PLPP7: variants seen among roughly 807,000 people sequenced by gnomAD.
The protein encoded by PLPP7 is inactive phospholipid phosphatase 7.
In PLPP7, 11 loss-of-function variants were observed where a neutral mutation model predicts 16.9. The ratio of observed to expected loss-of-function variants is 0.65; its 90% confidence interval spans 0.41 to 1.08. The LOEUF is 1.08. PLPP7 is among the 50% of genes least tolerant of loss of function. The probability of loss-of-function intolerance (pLI) is 0.00; values close to 1 mark genes in which losing one functional copy is unlikely to be tolerated. For missense variants in PLPP7, 358 were observed against 397.1 expected (o/e 0.90, Z 0.84); for synonymous variants, 174 against 175.1 (o/e 0.99, Z 0.05).
In PLPP7 at chr9:131,308,318, G is replaced by A; in HGVS notation, c.*31G>A. The A allele has an allele frequency of 6.4e-7, 1 of 1,559,144 alleles. No individual in the cohort carries two copies. Among genetic ancestry groups the A allele is most frequent in the Non-Finnish European group, 8.6e-7 (1 of 1,158,806 alleles). Reference sequence around the variant, plus strand: ...CCGCCGGCCCACACAAGCCTCTGGGGGCAGGGCTGGCCCTAGAGAAGGGGC... The same window carrying A: ...CCGCCGGCCCACACAAGCCTCTGGGAGCAGGGCTGGCCCTAGAGAAGGGGC... On this transcript the variant is annotated 3_prime_UTR_variant, in exon 2 of 2. Transcript: ENST00000372264.
At position 131,305,945 on chromosome 9, in the gene PLPP7, T is replaced by TA. The variant is rs751943577; in HGVS notation, c.452-1968dup. Among the ~76,000 whole-genome samples the TA allele has an allele frequency of 7.7e-3, 1,144 of 147,968 alleles. 7 individuals carry two copies. Among genetic ancestry groups the TA allele is most frequent in the South Asian group, 0.013 (59 of 4,696 alleles). ...TGCCCAGCCAGAGACATCCGTCTCT[T>TA]AAAAAAAAAACACCAGGTGCGGTGG... On this transcript the variant is annotated intron_variant, in intron 1 of 1. Coordinates refer to ENST00000372264, the MANE Select transcript of PLPP7 (RefSeq NM_032728.4).
intron 1 of PLPP7, among the ~76,000 whole-genome samples, chr9:131,292,398 C>T (rs1005319228): frequency 6.6e-6 from 1 of 152,218 alleles, no homozygotes; most frequent in Non-Finnish European, 1.5e-5. Flanking sequence ...TGTTCCAGGG[C>T]TTTGCATAAA....
chr9:131,290,508 C>G lies in PLPP7; in HGVS notation c.451+60C>G. On this transcript the variant is annotated intron_variant, in intron 1 of 1. Coordinates refer to ENST00000372264, the MANE Select transcript of PLPP7 (RefSeq NM_032728.4). The surrounding 1 kb of genome is among the most constrained non-coding windows in gnomAD (Gnocchi z 4.2). Reference sequence around the variant, plus strand: ...GCCCCTCGGGAGGCAGCCTGGCCTGCCCAACCCCACCCTGGCCGGGACCTG... The same window carrying G: ...GCCCCTCGGGAGGCAGCCTGGCCTGGCCAACCCCACCCTGGCCGGGACCTG... 1 of 1,438,546 alleles carries G rather than the reference C, an allele frequency of 7.0e-7. No homozygotes were observed. Among genetic ancestry groups the G allele is most frequent in the Middle Eastern group, 2.1e-4 (1 of 4,748 alleles). The allele number at this position is 1,438,546 out of a possible 1,614,324, so 89.1% of individuals were successfully genotyped here. A position where few individuals can be genotyped will look rare whatever the true frequency, so the allele number is the denominator to read the frequency against.
chr9:131,292,773 G>GTT (rs35490588), intron 1 of PLPP7: 2 of 928,708 alleles, frequency 2.2e-6, no homozygotes, highest in African/African-American at 1.8e-5. Context: ...GCTCTGCTTT[G>GTT]TTTTTTTTTT....
intron 1 of PLPP7, among the ~76,000 whole-genome samples, chr9:131,307,278 G>A (rs539402451): frequency 7.5e-5 from 11 of 147,556 alleles, no homozygotes; most frequent in East Asian, 2.0e-4. Context: ...AGGGCCGGGC[G>A]CAGTGGCTCA....
At chr9:131,305,219 G>T (rs1835841382) in intron 1 of PLPP7, among the ~76,000 whole-genome samples, 1 of 152,194 alleles carries the variant, frequency 6.6e-6, no homozygotes, top group South Asian at 2.1e-4. Flanking sequence ...CAGCCGAAAG[G>T]CGCAAACAAC....
In PLPP7 at chr9:131,308,503, C is replaced by A; in HGVS notation, c.*216C>A. 1 of 769,922 alleles carries A rather than the reference C, an allele frequency of 1.3e-6. No individual in the cohort carries two copies. The highest frequency in any genetic ancestry group is 2.0e-6 in the Non-Finnish European group (1 of 497,034). 47.7% of individuals were successfully genotyped at this position (769,922 alleles called of 1,614,324 possible). A position where few individuals can be genotyped will look rare whatever the true frequency, so the allele number is the denominator to read the frequency against. ...CAGTGCCAGGCCTCTTGCCCCTTTG[C>A]TTGGACTCCAAGTCTCCTCTCTAGG... On this transcript the variant is annotated 3_prime_UTR_variant, in exon 2 of 2. Transcript: ENST00000372264.
At chr9:131,307,551 C>CAAAAAAAAA (rs57469502) in intron 1 of PLPP7, among the ~76,000 whole-genome samples, 9 of 60,564 alleles carry the variant, frequency 1.5e-4, no homozygotes, top group Admixed American at 2.5e-4. Context: ...AACTCTGTCT[C>CAAAAAAAAA]AAAAAAAAAA....
At chr9:131,291,367 CA>C (rs35430110) in intron 1 of PLPP7, 1 of 1,181,390 alleles carries the variant, frequency 8.5e-7, no homozygotes, top group South Asian at 1.6e-5. Flanking sequence ...GTCTCAGTTC[CA>C]AAAGGGCATT....
intron 1 of PLPP7, among the ~76,000 whole-genome samples, chr9:131,303,529 C>T (rs1156315921): frequency 6.7e-6 from 1 of 149,400 alleles, no homozygotes; most frequent in Non-Finnish European, 1.5e-5. Context: ...CTGCCAAGAG[C>T]TGAACATTCC....
intron 1 of PLPP7, among the ~76,000 whole-genome samples, chr9:131,297,682 A>G (rs572664483): frequency 6.6e-6 from 1 of 152,306 alleles, no homozygotes; most frequent in East Asian, 1.9e-4. Flanking sequence ...CACTGTGCCT[A>G]GCCTGTAAAA....
intron 1 of PLPP7, among the ~76,000 whole-genome samples, chr9:131,305,601 C>T (rs1341073071): frequency 6.6e-6 from 1 of 152,026 alleles, no homozygotes; most frequent in Non-Finnish European, 1.5e-5. Context: ...GGGTCTCACT[C>T]TGTCACCTTA....
chr9:131,308,045 G>A lies in PLPP7; in HGVS notation c.574G>A (p.Gly192Arg), dbSNP rs770623885. 9 of 1,601,154 alleles carry A rather than the reference G, an allele frequency of 5.6e-6. No individual in the cohort carries two copies. The highest frequency in any genetic ancestry group is 4.4e-5 in the South Asian group (4 of 91,084). Residue 192 changes from glycine to arginine, a missense_variant, in exon 2 of 2, where the codon GGG (glycine) becomes AGG (arginine). By Grantham distance (125) the Gly-to-Arg change is moderately radical. Coordinates refer to ENST00000372264, the MANE Select transcript of PLPP7 (RefSeq NM_032728.4). Reference protein sequence around the residue: ...LTMDIYAFPAGHASRAAMVSK... With the variant: ...LTMDIYAFPARHASRAAMVSK... ...CATGGACATCTACGCCTTCCCGGCC[G>A]GGCACGCCAGCCGCGCCGCCATGGT...
At chr9:131,296,020 G>A (rs1453939258) in intron 1 of PLPP7, among the ~76,000 whole-genome samples, 1 of 152,076 alleles carries the variant, frequency 6.6e-6, no homozygotes, top group Non-Finnish European at 1.5e-5. Flanking sequence ...TTGTATACTC[G>A]GAATCGAGCT....
At chr9:131,296,287 CAG>C (rs1375603529) in intron 1 of PLPP7, among the ~76,000 whole-genome samples, 1 of 152,112 alleles carries the variant, frequency 6.6e-6, no homozygotes, top group African/African-American at 2.4e-5. Context: ...TTTTCTGAGA[CAG>C]AGTCTCGCTC....
At position 131,305,395 on chromosome 9, in the gene PLPP7, A is replaced by AT. The variant is rs869164273; in HGVS notation, c.452-2519dup. Among the ~76,000 whole-genome samples the AT allele has an allele frequency of 4.5e-5, 4 of 88,380 alleles. No homozygotes were observed. In the South Asian group the frequency reaches 1.1e-3, roughly 25 times the overall value. 58.0% of individuals were successfully genotyped at this position (88,380 alleles called of 152,430 possible). A position where few individuals can be genotyped will look rare whatever the true frequency, so the allele number is the denominator to read the frequency against. On this transcript the variant is annotated intron_variant, in intron 1 of 1. Coordinates refer to ENST00000372264, the MANE Select transcript of PLPP7 (RefSeq NM_032728.4). ...TGGGATGCCCATCTGTAAAAAAAAA[A>AT]TTTTTTTTTAATTAGCTGGGCATGG...
chr9:131,293,476 G>A (rs1835704508), intron 1 of PLPP7, among the ~76,000 whole-genome samples: 1 of 152,214 alleles, frequency 6.6e-6, no homozygotes, highest in Non-Finnish European at 1.5e-5. Flanking sequence ...GGAGAAAATT[G>A]CAGCAAATGG....
Position 131,289,845 on chromosome 9 carries a change from G to T in PLPP7, c.-153G>T. 1.8e-6 allele frequency: 1 copy of T among 541,030 alleles called. No individual in the cohort carries two copies. Among genetic ancestry groups the T allele is most frequent in the Non-Finnish European group, 2.8e-6 (1 of 350,964 alleles). The allele number at this position is 541,030 out of a possible 1,614,324, so 33.5% of individuals were successfully genotyped here. Reference sequence around the variant, plus strand: ...AGCTGGGTGGCAGAGGAGATAAACAGCCATGTGCAACTCTCCACACTATAT... The same window carrying T: ...AGCTGGGTGGCAGAGGAGATAAACATCCATGTGCAACTCTCCACACTATAT... On this transcript the variant is annotated 5_prime_UTR_variant, in exon 1 of 2. Coordinates refer to ENST00000372264, the MANE Select transcript of PLPP7 (RefSeq NM_032728.4).
chr9:131,300,740 T>C (rs2131218032), intron 1 of PLPP7, among the ~76,000 whole-genome samples: 1 of 150,236 alleles, frequency 6.7e-6, no homozygotes, highest in East Asian at 1.9e-4. Flanking sequence ...AGCTTAGTTC[T>C]TGGCCTATGG....
Sources: allele counts gnomAD v4.1 joint callset (sites outside exome capture counted in the v4.1 genomes callset), GRCh38; gene constraint gnomAD v4.1.1; non-coding constraint Gnocchi (gnomAD v3.1); transcripts MANE v1.5; gene names NCBI Gene and HGNC (gene_info 2026-07-23, HGNC 2026-07-21).